The following REEP1 variants were observed in gnomAD, a reference collection of about 807,000 sequenced individuals.
REEP1 encodes receptor expression-enhancing protein 1.
Under a neutral mutation model 40.3 loss-of-function variants are expected in REEP1, and 22 were observed. That is an observed-to-expected ratio of 0.55 (90% CI 0.39 to 0.78). The LOEUF (loss-of-function observed/expected upper bound fraction) is 0.78, where lower values mean the gene tolerates loss of function less well. REEP1 is among the 30% of genes least tolerant of loss of function. The pLI, the probability that REEP1 is intolerant of heterozygous loss-of-function variation, is 0.00. For missense variants in REEP1, 280 were observed against 361.1 expected (o/e 0.78, Z 1.82); for synonymous variants, 116 against 139.2 (o/e 0.83, Z 1.17).
At chr2:86,252,947 T>C (rs1206979513) in intron 4 of REEP1, among the ~76,000 whole-genome samples, 1 of 152,144 alleles carries the variant, frequency 6.6e-6, no homozygotes. Flanking sequence ...TTATTTTTGT[T>C]TGTTTGGGAG....
At chr2:86,222,412 C>A (rs866269488) in intron 7 of REEP1, among the ~76,000 whole-genome samples, 1 of 152,186 alleles carries the variant, frequency 6.6e-6, no homozygotes, top group African/African-American at 2.4e-5. Context: ...ACAGAGAGAA[C>A]CTCCTAAGAA....
At chr2:86,247,187 G>A (rs1206177601) in intron 5 of REEP1, among the ~76,000 whole-genome samples, 3 of 152,128 alleles carry the variant, frequency 2.0e-5, no homozygotes, top group Non-Finnish European at 4.4e-5. Flanking sequence ...GCAGAGACTA[G>A]GAATGCTGAG....
Position 86,216,899 on chromosome 2 carries a change from AG to A in REEP1, c.*139del. The A allele has an allele frequency of 1.5e-6, 1 of 687,192 alleles. No individual in the cohort carries two copies. Among genetic ancestry groups the A allele is most frequent in the Non-Finnish European group, 2.6e-6 (1 of 391,472 alleles). The allele number at this position is 687,192 out of a possible 1,614,324, so 42.6% of individuals were successfully genotyped here. A position where few individuals can be genotyped will look rare whatever the true frequency, so the allele number is the denominator to read the frequency against. The stretch of plus-strand genomic sequence containing the variant: ...AAAAAAATAAATCCTTAAAAGTGGA[AG>A]GGGAGAGAGAAAAGGCCATGTTTGT... On this transcript the variant is annotated 3_prime_UTR_variant, in exon 9 of 9. Coordinates refer to ENST00000538924, the MANE Select transcript of REEP1 (RefSeq NM_001371279.1).
chr2:86,215,604 C>T lies in REEP1; in HGVS notation c.*1435G>A, dbSNP rs368970831. ...CATTACACTGAAAGAAACACCAACT[C>T]GAAGCACAAATATATTATTCTTATA... On this transcript the variant is annotated 3_prime_UTR_variant, in exon 9 of 9. Transcript: ENST00000538924. 6.6e-6 allele frequency: 1 copy of T among 152,566 alleles called. No individual in the cohort carries two copies. The highest frequency in any genetic ancestry group is 2.4e-5 in the African/African-American group (1 of 41,448). The allele number at this position is 152,566 out of a possible 1,614,324, so 9.5% of individuals were successfully genotyped here. A position where few individuals can be genotyped will look rare whatever the true frequency, so the allele number is the denominator to read the frequency against.
At chr2:86,314,305 C>G (rs1679894741) in intron 1 of REEP1, among the ~76,000 whole-genome samples, 1 of 152,166 alleles carries the variant, frequency 6.6e-6, no homozygotes, top group Non-Finnish European at 1.5e-5. Flanking sequence ...TATAGGGAAA[C>G]CACCTCCCCA....
At chr2:86,327,515 T>G (rs891016544) in intron 1 of REEP1, among the ~76,000 whole-genome samples, 12 of 151,440 alleles carry the variant, frequency 7.9e-5, no homozygotes, top group African/African-American at 2.9e-4. Context: ...TGAGTTTTAC[T>G]CTTAGTGAGA....
intron 6 of REEP1, among the ~76,000 whole-genome samples, chr2:86,230,406 T>C (rs1370147378): frequency 6.6e-6 from 1 of 152,234 alleles, no homozygotes; most frequent in African/African-American, 2.4e-5. Flanking sequence ...CTGAGCCTGC[T>C]TCCTCCACTG....
chr2:86,314,988 C>T (rs566213085), intron 1 of REEP1, among the ~76,000 whole-genome samples: 4 of 152,118 alleles, frequency 2.6e-5, no homozygotes, highest in Admixed American at 1.3e-4. Context: ...CCACTGTGCC[C>T]GACCTGGAGG....
At chr2:86,336,616 G>A (rs13005269) in intron 1 of REEP1, 50,921 of 152,286 alleles carry the variant, frequency 0.33, 10,688 homozygotes, top group East Asian at 0.76. Context: ...ATCTCCAAAG[G>A]AGAATAAATC....
At chr2:86,324,735 C>G (rs1680424489) in intron 1 of REEP1, among the ~76,000 whole-genome samples, 2 of 152,082 alleles carry the variant, frequency 1.3e-5, no homozygotes. Flanking sequence ...TTTATGTTAT[C>G]AAGTAGAAGA....
At chr2:86,310,707 TTCTC>T (rs144739472) in intron 1 of REEP1, among the ~76,000 whole-genome samples, 1 of 149,682 alleles carries the variant, frequency 6.7e-6, no homozygotes, top group Non-Finnish European at 1.5e-5. Flanking sequence ...CTCCTCCCCT[TTCTC>T]TCTCTCTCTC....
intron 4 of REEP1, among the ~76,000 whole-genome samples, chr2:86,254,420 C>T (rs781152548): frequency 9.9e-5 from 15 of 152,232 alleles, no homozygotes; most frequent in African/African-American, 1.4e-4. Context: ...ATTCACTTTG[C>T]GTGGTTAAAT....
intron 3 of REEP1, among the ~76,000 whole-genome samples, chr2:86,260,556 A>G (rs1676803529): frequency 6.6e-6 from 1 of 152,244 alleles, no homozygotes; most frequent in Admixed American, 6.5e-5. Flanking sequence ...TCTAATCACA[A>G]GAGCCCTTAA....
rs768375788 is a variant in REEP1 at position 86,220,051 on chromosome 2, C to T, written c.702G>A (p.Ala234=). The change falls in exon 8 of 9, where the codon GCG becomes GCA. Residue 234 remains alanine (A), a synonymous_variant. Transcript: ENST00000538924. ...GGTCTTCCTCCTCGTCGTCAGAAAA[C>T]GCCAATGGGTTTTGGACCTGGTGGG... ...WEPHQVQNPL[A]FSDDEEEDLL... 4.9e-6 allele frequency: 6 copies of T among 1,232,108 alleles called. No individual in the cohort carries two copies. Among genetic ancestry groups the T allele is most frequent in the African/African-American group, 1.6e-5 (1 of 64,418 alleles). The allele number at this position is 1,232,108 out of a possible 1,614,324, so 76.3% of individuals were successfully genotyped here. A position where few individuals can be genotyped will look rare whatever the true frequency, so the allele number is the denominator to read the frequency against.
chr2:86,219,951 A>G lies in REEP1; in HGVS notation c.783+19T>C, dbSNP rs1674329574. 8.1e-7 allele frequency: 1 copy of G among 1,231,836 alleles called. No homozygotes were observed. The highest frequency in any genetic ancestry group is 4.1e-5 in the South Asian group (1 of 24,308). 76.3% of individuals were successfully genotyped at this position (1,231,836 alleles called of 1,614,324 possible). A position where few individuals can be genotyped will look rare whatever the true frequency, so the allele number is the denominator to read the frequency against. On this transcript the variant is annotated intron_variant, in intron 8 of 8. Coordinates refer to ENST00000538924, the MANE Select transcript of REEP1 (RefSeq NM_001371279.1). ...TTTGGACAAACACACTCCAACCCAC[A>G]GCCCCAGACACTGTGTACCTCCAGG...
In REEP1 at chr2:86,216,789, C is replaced by G. The variant is rs1175438167; in HGVS notation, c.*250G>C. On this transcript the variant is annotated 3_prime_UTR_variant, in exon 9 of 9. Coordinates refer to ENST00000538924, the MANE Select transcript of REEP1 (RefSeq NM_001371279.1). ...TGACAATCCAATTGTGGAAAATTAC[C>G]AACCTCAGAAGACTTAAAGGTCACC... The G allele has an allele frequency of 1.1e-5, 5 of 467,574 alleles. No homozygotes were observed. The highest frequency in any genetic ancestry group is 5.6e-5 in the South Asian group (2 of 35,962). 29.0% of individuals were successfully genotyped at this position (467,574 alleles called of 1,614,324 possible).
In REEP1 at chr2:86,332,713, G is replaced by A. The variant is rs547758590; in HGVS notation, c.32+4766C>T. ...ACACAGTGGGAAGAAGTGCATGAAA[G>A]CTACTTCTCAGCAGACAGGCAGGAT... On this transcript the variant is annotated intron_variant, in intron 1 of 8. Transcript: ENST00000538924. 4.6e-5 allele frequency among the ~76,000 whole-genome samples: 7 copies of A among 152,346 alleles called. No homozygotes were observed. The South Asian group carries it at 1.4e-3, about 32-fold the overall frequency.
intron 3 of REEP1, among the ~76,000 whole-genome samples, chr2:86,256,683 A>G (rs1477331402): frequency 1.3e-5 from 2 of 152,162 alleles, no homozygotes; most frequent in South Asian, 2.1e-4. Context: ...ATGGCTCTGC[A>G]TGGTGTGCTG....
In REEP1 at chr2:86,277,013, C is replaced by T. The variant is rs904631513; in HGVS notation, c.105+5157G>A. ...GACTTTGGTACTTGAGGGATGGATG[C>T]TTCCAACAGGGGATACAAAATGGTT... On this transcript the variant is annotated intron_variant, in intron 2 of 8. Transcript: ENST00000538924. 2.6e-5 allele frequency among the ~76,000 whole-genome samples: 4 copies of T among 152,308 alleles called. No individual in the cohort carries two copies. The East Asian group carries it at 7.7e-4, about 29-fold the overall frequency.
Sources: allele counts gnomAD v4.1 joint callset (sites outside exome capture counted in the v4.1 genomes callset), GRCh38; gene constraint gnomAD v4.1.1; transcripts MANE v1.5; gene names NCBI Gene and HGNC (gene_info 2026-07-23, HGNC 2026-07-21).